MRPL18: variants seen among roughly 807,000 people sequenced by gnomAD.
The protein encoded by MRPL18 is large ribosomal subunit protein uL18m.
In MRPL18, 16 loss-of-function variants were observed where a neutral mutation model predicts 20.9. The ratio of observed to expected loss-of-function variants is 0.76; its 90% CI spans 0.52 to 1.16. MRPL18 has a LOEUF of 1.16. MRPL18 is among the 50% of genes most tolerant of loss of function. The probability of loss-of-function intolerance (pLI) is 0.00; values close to 1 mark genes in which losing one functional copy is unlikely to be tolerated. For missense variants in MRPL18, 233 were observed against 230.6 expected (o/e 1.01, Z -0.07); for synonymous variants, 91 against 87.1 (o/e 1.04, Z -0.25).
chr6:159,797,193 T>G, intron 2 of MRPL18, 94 bp from the exon 3 acceptor site: 1 of 1,200,252 alleles, frequency 8.3e-7, no homozygotes, highest in South Asian at 1.4e-5. Flanking sequence ...AACACTGGAT[T>G]GTTGAAAAAT....
chr6:159,790,011 C>T (rs1780822091), upstream of MRPL18: 1 of 172,222 alleles, frequency 5.8e-6, no homozygotes, highest in Non-Finnish European at 1.3e-5. Flanking sequence ...CTTGTCCCTG[C>T]TCGGGGAGCG....
chr6:159,797,880 T>C (rs1781075270), intron 3 of MRPL18, among the ~76,000 whole-genome samples, 172 bp from the exon 4 acceptor site: 3 of 152,268 alleles, frequency 2.0e-5, no homozygotes, highest in Admixed American at 2.0e-4. Flanking sequence ...CATCTCTACA[T>C]TTCCTTTTTA....
chr6:159,790,264 A>G (rs556327498), upstream of MRPL18, among the ~76,000 whole-genome samples: 14 of 152,036 alleles, frequency 9.2e-5, no homozygotes, highest in Non-Finnish European at 1.3e-4. Context: ...AAACCCAAAC[A>G]TGGTTTTGTG....
chr6:159,790,870 G>A (rs1490365082), intron 1 of MRPL18, 70 bp from the exon 2 acceptor site: 19 of 1,570,920 alleles, frequency 1.2e-5, no homozygotes, highest in Admixed American at 1.8e-5. Flanking sequence ...GCGGATAGAC[G>A]TTAGAGCGGG....
In MRPL18 at chr6:159,791,074, A is replaced by G. The variant is rs958379552; in HGVS notation, c.187A>G (p.Arg63Gly). ...GAACCTGGAGCTTTTATCTGTAGCC[A>G]GGAAAGAGCGGGGCTGGCGGACGGT... ...PRNLELLSVA[R>G]KERGWRTVFP... Residue 63 changes from arginine to glycine, a missense_variant, in exon 2 of 4, where the codon AGG becomes GGG. Physicochemically the swap from Arg to Gly is moderately radical, Grantham distance 125. Coordinates refer to ENST00000367034, the MANE Select transcript of MRPL18 (RefSeq NM_014161.5). 3 of 1,614,088 alleles carry G rather than the reference A, an allele frequency of 1.9e-6. No homozygotes were observed. The highest frequency in any genetic ancestry group is 8.5e-7 in the Non-Finnish European group (1 of 1,180,036).
chr6:159,792,933 A>ATC (rs781714831), intron 2 of MRPL18, among the ~76,000 whole-genome samples: 5 of 151,642 alleles, frequency 3.3e-5, no homozygotes, highest in Non-Finnish European at 7.4e-5. Context: ...CTTCCTGAGC[A>ATC]TCTGGGACTG....
intron 2 of MRPL18, among the ~76,000 whole-genome samples, chr6:159,793,901 G>A (rs1014658473): frequency 2.7e-5 from 4 of 149,404 alleles, no homozygotes; most frequent in Non-Finnish European, 5.9e-5. Context: ...AACAGACTGA[G>A]ACTCCGTCTC....
At chr6:159,797,573 A>C (rs3777423) in intron 3 of MRPL18, 55 bp downstream of exon 3, 1 of 1,518,074 alleles carries the variant, frequency 6.6e-7, no homozygotes, top group Non-Finnish European at 9.1e-7. Context: ...TCTTGGCATT[A>C]GATAACTTAC....
intron 2 of MRPL18, among the ~76,000 whole-genome samples, chr6:159,792,220 ACCACTATAC>A (rs1450857904): frequency 6.6e-6 from 1 of 152,172 alleles, no homozygotes; most frequent in Non-Finnish European, 1.5e-5. Context: ...CTAGGTTATT[ACCACTATAC>A]TACAGCATGT....
chr6:159,796,441 C>G (rs1156241618), intron 2 of MRPL18, among the ~76,000 whole-genome samples: 1 of 149,460 alleles, frequency 6.7e-6, no homozygotes, highest in East Asian at 2.0e-4. Context: ...GTTCGTGCCT[C>G]TGTACTCTAG....
chr6:159,789,889 G>A (rs554390480), upstream of MRPL18: 46 of 215,014 alleles, frequency 2.1e-4, no homozygotes, highest in African/African-American at 8.4e-4. Context: ...TCTAGAAAAG[G>A]TTGTAAGAAG....
At position 159,791,036 on chromosome 6, in the gene MRPL18, ACCGGAACCC is replaced by A; in HGVS notation, c.158_166del (p.Pro53_Asn55del). On this transcript the variant is annotated inframe_deletion, in exon 2 of 4. Transcript: ENST00000367034. Reference sequence around the variant, plus strand: ...GAAGCTGTCGCCCCAGAATTCACCAACCGGAACCCCCGGAACCTGGAGCTTTTATCTGTA... The same window carrying A: ...GAAGCTGTCGCCCCAGAATTCACCAACCGGAACCTGGAGCTTTTATCTGTA... 1 of 1,614,126 alleles carries A rather than the reference ACCGGAACCC, an allele frequency of 6.2e-7. No homozygotes were observed. Among genetic ancestry groups the A allele is most frequent in the Non-Finnish European group, 8.5e-7 (1 of 1,180,018 alleles).
chr6:159,791,185 A>G lies in MRPL18; in HGVS notation c.239+59A>G. 8.9e-6 allele frequency: 14 copies of G among 1,580,894 alleles called. 1 individual carries two copies. The South Asian group carries it at 1.4e-4, about 15-fold the overall frequency. The stretch of plus-strand genomic sequence containing the variant: ...TGCACCCTACAGACTATTTTCATTC[A>G]TTCAACTCCAGGCACTCTCCCAGGT... On this transcript the variant is annotated intron_variant, in intron 2 of 3. Transcript: ENST00000367034.
At position 159,790,546 on chromosome 6, in the gene MRPL18, G is replaced by A. The variant is rs201676646; in HGVS notation, c.-42G>A. 22 of 1,613,848 alleles carry A rather than the reference G, an allele frequency of 1.4e-5. No homozygotes were observed. The highest frequency in any genetic ancestry group is 1.6e-4 in the Middle Eastern group (1 of 6,084). ...CTCCTGGCGAGCGACTGAGTCGTCC[G>A]TGAGGAAAAAGAGGCGAGGCTTTTC... is the stretch of plus-strand genomic sequence containing the variant. On this transcript the variant is annotated 5_prime_UTR_variant, in exon 1 of 4. In the 5' UTR this introduces an upstream ATG that the reference lacks. Coordinates refer to ENST00000367034, the MANE Select transcript of MRPL18 (RefSeq NM_014161.5).
chr6:159,797,490 C>G lies in MRPL18; in HGVS notation c.443C>G (p.Pro148Arg). Reference sequence around the variant, plus strand: ...GGAATCAACTTCATGGTCTACCAACCAACCCCGTGGGAGGCAGCCTCAGAC... The same window carrying G: ...GGAATCAACTTCATGGTCTACCAACGAACCCCGTGGGAGGCAGCCTCAGAC... The part of the protein sequence containing the change: ...EAGINFMVYQ[P>R]TPWEAASDSM... Residue 148 changes from proline to arginine, a missense_variant, in exon 3 of 4, where the codon CCA (proline) becomes CGA (arginine). Physicochemically the swap from Pro to Arg is moderately radical, Grantham distance 103. Coordinates refer to ENST00000367034, the MANE Select transcript of MRPL18 (RefSeq NM_014161.5). 2 of 1,614,194 alleles carry G rather than the reference C, an allele frequency of 1.2e-6. No individual in the cohort carries two copies. The highest frequency in any genetic ancestry group is 1.7e-6 in the Non-Finnish European group (2 of 1,180,024).
At position 159,796,917 on chromosome 6, in the gene MRPL18, G is replaced by A. The variant is rs6908128; in HGVS notation, c.240-370G>A. Among the ~76,000 whole-genome samples, 795 of 152,046 alleles carry A rather than the reference G, an allele frequency of 5.2e-3. 5 individuals are homozygous for A. Among genetic ancestry groups the A allele is most frequent in the African/African-American group, 0.018 (751 of 41,470 alleles). Reference sequence around the variant, plus strand: ...GTTTTTGCATTTAAATTTTTGTTCCGTCTTATATTTATTTTGGTGCTAGCT... The same window carrying A: ...GTTTTTGCATTTAAATTTTTGTTCCATCTTATATTTATTTTGGTGCTAGCT... On this transcript the variant is annotated intron_variant, in intron 2 of 3. Transcript: ENST00000367034.
At position 159,790,993 on chromosome 6, in the gene MRPL18, G is replaced by A. The variant is rs779273554; in HGVS notation, c.106G>A (p.Val36Met). 1 of 1,614,240 alleles carries A rather than the reference G, an allele frequency of 6.2e-7. No individual in the cohort carries two copies. Among genetic ancestry groups the A allele is most frequent in the Non-Finnish European group, 8.5e-7 (1 of 1,180,036 alleles). ...TSSEPAAKPE[V>M]DPVENEAVAP... ...CTCCGAGCCGGCAGCGAAACCTGAAGTGGACCCTGTGGAAAATGAAGCTGT... is the reference window on the plus strand; with the variant it reads ...CTCCGAGCCGGCAGCGAAACCTGAAATGGACCCTGTGGAAAATGAAGCTGT... The change falls in exon 2 of 4, where the codon GTG becomes ATG. Residue 36 changes from valine (V) to methionine (M), a missense_variant. Transcript: ENST00000367034.
chr6:159,794,103 C>T (rs1036189595), intron 2 of MRPL18, among the ~76,000 whole-genome samples: 1 of 152,254 alleles, frequency 6.6e-6, no homozygotes, highest in South Asian at 2.1e-4. Context: ...GTTATAAAAT[C>T]CAAAGGGAGT....
upstream of MRPL18, chr6:159,790,108 C>A (rs1780825474): frequency 5.4e-6 from 1 of 184,584 alleles, no homozygotes. Context: ...GTTTTTCCAG[C>A]GGGCCATACG....
Sources: gnomAD v4.1 joint callset for allele counts (sites outside exome capture counted in the v4.1 genomes callset) on GRCh38, gnomAD v4.1.1 for gene constraint, MANE v1.5 for transcripts, NCBI Gene and HGNC (gene_info 2026-07-23, HGNC 2026-07-21) for gene names.